The following DMD variants were observed in gnomAD, a reference collection of about 807,000 sequenced individuals.
DMD encodes mutant dystrophin.
In DMD, 63 loss-of-function variants were observed where a neutral mutation model predicts 330.1. That is an observed-to-expected ratio of 0.19 (90% CI 0.16 to 0.24). DMD has a LOEUF of 0.24. Ranked by LOEUF, DMD falls within the 10% of genes least tolerant of loss-of-function variation. DMD has a pLI of 1.00. For synonymous variants in DMD, 1,223 were observed against 959.8 expected, an observed-to-expected ratio of 1.27 and a Z score of -5.07; for missense variants, 3,344 against 2,684.1, an observed-to-expected ratio of 1.25 and a Z score of -5.43.
chrX:32,554,282 T>A (rs1228978663), intron 16 of DMD, among the ~76,000 whole-genome samples: 1 of 109,483 alleles, frequency 9.1e-6, no homozygotes, highest in African/African-American at 3.3e-5. Flanking sequence ...CTGAAGGAGA[T>A]AAAGACATGA....
At chrX:32,991,439 T>G (rs2092971817) in intron 2 of DMD, among the ~76,000 whole-genome samples, 1 of 112,054 alleles carries the variant, frequency 8.9e-6, no homozygotes, top group Admixed American at 9.5e-5. Context: ...ACAAAAAATG[T>G]TCTATACATG....
At chrX:32,657,880 T>C (rs754261578) in intron 9 of DMD, among the ~76,000 whole-genome samples, 2 of 111,484 alleles carry the variant, frequency 1.8e-5, no homozygotes, top group South Asian at 7.3e-4. Flanking sequence ...TAATCAGTCA[T>C]TTATAAATAG....
intron 2 of DMD, among the ~76,000 whole-genome samples, chrX:33,014,253 G>T (rs1602715172): frequency 9.0e-6 from 1 of 111,585 alleles, no homozygotes; most frequent in South Asian, 3.7e-4. Context: ...CTACTTAAAT[G>T]GCTGTAGAGG....
intron 52 of DMD, among the ~76,000 whole-genome samples, chrX:31,681,993 A>G (rs945343964): frequency 2.6e-4 from 29 of 111,975 alleles, no homozygotes; most frequent in African/African-American, 9.4e-4. Flanking sequence ...AGGCAGGAGA[A>G]TCACTTGAAC....
intron 66 of DMD, 33 bp downstream of exon 66, chrX:31,206,549 T>C (rs1391534663): frequency 8.8e-7 from 1 of 1,130,181 alleles, no homozygotes; most frequent in African/African-American, 1.8e-5. Flanking sequence ...CCAACATTAA[T>C]AAAAGAATAC....
chrX:33,325,171 A>T (rs2054072011), intron 1 of DMD, among the ~76,000 whole-genome samples: 1 of 112,029 alleles, frequency 8.9e-6, no homozygotes, highest in African/African-American at 3.2e-5. Context: ...TCCACTATGT[A>T]TAAAAAGGAC....
At chrX:32,039,880 T>G (rs2095985375) in intron 44 of DMD, among the ~76,000 whole-genome samples, 1 of 111,144 alleles carries the variant, frequency 9.0e-6, no homozygotes, top group Non-Finnish European at 1.9e-5. Flanking sequence ...CATTGCACAT[T>G]TAAGTGACAT....
At chrX:32,016,178 T>C (rs1479202041) in intron 44 of DMD, among the ~76,000 whole-genome samples, 1 of 111,993 alleles carries the variant, frequency 8.9e-6, no homozygotes, top group Non-Finnish European at 1.9e-5. Flanking sequence ...ACACCTTTGT[T>C]TTAGCCTAAT....
chrX:31,709,536 A>G (rs2084447379), intron 52 of DMD, among the ~76,000 whole-genome samples: 1 of 103,364 alleles, frequency 9.7e-6, no homozygotes, highest in Non-Finnish European at 2.0e-5. Context: ...CTGGGTCAGG[A>G]ATTGGTTGTT....
At chrX:32,652,906 T>A (rs1260906817) in intron 9 of DMD, among the ~76,000 whole-genome samples, 2 of 112,405 alleles carry the variant, frequency 1.8e-5, no homozygotes, top group African/African-American at 6.5e-5. Flanking sequence ...ATTTCTCTGA[T>A]GGCCAGTGAT....
chrX:32,610,175 G>C (rs1195463640), intron 12 of DMD, among the ~76,000 whole-genome samples: 1 of 110,806 alleles, frequency 9.0e-6, no homozygotes, highest in Non-Finnish European at 1.9e-5. Context: ...TTTCACAGGG[G>C]AATGAGAGGT....
intron 33 of DMD, among the ~76,000 whole-genome samples, chrX:32,386,013 GA>G (rs1346804816): frequency 9.1e-6 from 1 of 109,606 alleles, no homozygotes; most frequent in East Asian, 2.9e-4. Context: ...GATGGACCAG[GA>G]AAAACCTCCC....
chrX:31,138,686 A>AGAGAGAGGGAGAGAGAGTGT (rs745406001), intron 76 of DMD, among the ~76,000 whole-genome samples: 2 of 87,472 alleles, frequency 2.3e-5, no homozygotes, highest in South Asian at 6.2e-4. Flanking sequence ...AGAGAGAGAG[A>AGAGAGAGGGAGAGAGAGTGT]GAAGGGGGAA....
At chrX:33,282,909 G>A (rs983344528) in intron 1 of DMD, among the ~76,000 whole-genome samples, 7 of 111,945 alleles carry the variant, frequency 6.3e-5, no homozygotes, top group African/African-American at 9.7e-5. Flanking sequence ...TTCCTCTAGC[G>A]CGAGGCTCTC....
intron 30 of DMD, among the ~76,000 whole-genome samples, chrX:32,395,592 GA>G (rs1306979839): frequency 9.1e-6 from 1 of 110,273 alleles, no homozygotes; most frequent in African/African-American, 3.4e-5. Flanking sequence ...TTTAAAAACA[GA>G]AAAACCCATG....
At chrX:32,655,789 T>G (rs2060523130) in intron 9 of DMD, among the ~76,000 whole-genome samples, 1 of 111,286 alleles carries the variant, frequency 9.0e-6, no homozygotes, top group South Asian at 3.8e-4. Context: ...TCTTTGTAGG[T>G]CTATAAGGAC....
chrX:31,201,124 G>C (rs1490590194), intron 67 of DMD, among the ~76,000 whole-genome samples: 2 of 107,827 alleles, frequency 1.9e-5, no homozygotes, highest in South Asian at 4.2e-4. Context: ...CCAAGAGCTC[G>C]AGACCAGCCT....
rs758192006 is a variant in DMD at position 33,139,889 on chromosome X, A to T, written c.31+71393T>A. On this transcript the variant is annotated intron_variant, in intron 1 of 78. Transcript: ENST00000357033. Reference sequence around the variant, plus strand: ...TCGCTAAAAAAAAAAAAAAAAAAAAAAAAAAAATGTCTAATCAAAGTTGGA... The same window carrying T: ...TCGCTAAAAAAAAAAAAAAAAAAAATAAAAAAATGTCTAATCAAAGTTGGA... 3.4e-3 allele frequency among the ~76,000 whole-genome samples: 373 copies of T among 109,941 alleles called. 1 individual carries two copies. The highest frequency in any genetic ancestry group is 7.0e-3 in the African/African-American group (210 of 30,155).
intron 47 of DMD, among the ~76,000 whole-genome samples, chrX:31,920,480 T>C (rs1403135077): frequency 1.8e-5 from 2 of 112,172 alleles, no homozygotes; most frequent in African/African-American, 6.5e-5. Context: ...AAACTCCCTC[T>C]AGTCTCAGGG....
Sources: allele counts gnomAD v4.1 joint callset (sites outside exome capture counted in the v4.1 genomes callset), GRCh38; gene constraint gnomAD v4.1.1; transcripts MANE v1.5; gene names NCBI Gene and HGNC (gene_info 2026-07-23, HGNC 2026-07-21).